The following ZNF605 variants were observed in gnomAD, a reference collection of about 807,000 sequenced individuals.
ZNF605 encodes the protein zinc finger protein 605.
In ZNF605, 9 loss-of-function variants were observed where a neutral mutation model predicts 7.9. The observed-to-expected ratio is 1.14, with a 90% CI of 0.68 to 1.98. The LOEUF (loss-of-function observed/expected upper bound fraction) is 1.98, where lower values mean the gene tolerates loss of function less well. Among genes scored for constraint, ZNF605 ranks in the 30% most tolerant of loss-of-function variants. The pLI is 0.00. For missense variants in ZNF605, 673 were observed against 762.4 expected, an observed-to-expected ratio of 0.88 and a Z score of 1.38; for synonymous variants, 255 against 260.1, an observed-to-expected ratio of 0.98 and a Z score of 0.19.
At chr12:132,936,852 A>T (rs1386781173) in intron 3 of ZNF605, among the ~76,000 whole-genome samples, 1 of 152,204 alleles carries the variant, frequency 6.6e-6, no homozygotes, top group Non-Finnish European at 1.5e-5. Flanking sequence ...TAAGAAAAAA[A>T]TTTGATAAAT....
chr12:132,942,089 A>G (rs930188779), intron 3 of ZNF605, among the ~76,000 whole-genome samples: 17 of 152,208 alleles, frequency 1.1e-4, no homozygotes, highest in Non-Finnish European at 1.5e-4. Context: ...CAACCTTTCC[A>G]GACAGCACGT....
intron 3 of ZNF605, among the ~76,000 whole-genome samples, chr12:132,936,186 A>G (rs2137138550): frequency 6.6e-6 from 1 of 152,114 alleles, no homozygotes; most frequent in East Asian, 1.9e-4. Context: ...TGAAAGTACG[A>G]AAAATAATCA....
intron 4 of ZNF605, chr12:132,932,834 A>G: frequency 6.7e-7 from 1 of 1,501,094 alleles, no homozygotes; most frequent in Non-Finnish European, 8.9e-7. Flanking sequence ...GAGGACTTGG[A>G]CCTAACTGCC....
intron 1 of ZNF605, among the ~76,000 whole-genome samples, chr12:132,955,214 T>C (rs1952624121): frequency 6.6e-5 from 10 of 152,250 alleles, no homozygotes; most frequent in Non-Finnish European, 1.5e-5. Flanking sequence ...AGGGTTTTTC[T>C]TTCACAGAGA....
chr12:132,948,892 A>G (rs907291917), intron 1 of ZNF605, among the ~76,000 whole-genome samples: 8 of 152,026 alleles, frequency 5.3e-5, no homozygotes, highest in Non-Finnish European at 8.8e-5. Context: ...TGCAGGGCCC[A>G]GGAGGCGGGG....
rs889632809 is a variant in ZNF605, at chr12:132,924,316, T to C, written c.*1057A>G. ...AGAATTCTACCTGATGCTCCATGTGTTTCCACTCTGTTTCCACTCTGGCTG... is the reference window on the plus strand; with the variant it reads ...AGAATTCTACCTGATGCTCCATGTGCTTCCACTCTGTTTCCACTCTGGCTG... On this transcript the variant is annotated 3_prime_UTR_variant, in exon 5 of 5. Coordinates refer to ENST00000360187, the MANE Select transcript of ZNF605 (RefSeq NM_183238.4). The C allele has an allele frequency of 2.6e-5, 4 of 152,222 alleles. No individual in the cohort carries two copies. Among genetic ancestry groups the C allele is most frequent in the Non-Finnish European group, 2.9e-5 (2 of 68,052 alleles). The allele number at this position is 152,222 out of a possible 1,614,324, so 9.4% of individuals were successfully genotyped here. A position where few individuals can be genotyped will look rare whatever the true frequency, so the allele number is the denominator to read the frequency against.
intron 3 of ZNF605, among the ~76,000 whole-genome samples, chr12:132,944,244 G>T (rs1005335061): frequency 1.3e-5 from 2 of 151,070 alleles, no homozygotes; most frequent in Non-Finnish European, 2.9e-5. Context: ...TTGAGACGGC[G>T]TCTTGCTCCG....
At chr12:132,956,036 C>T (rs1174924308) in intron 1 of ZNF605, among the ~76,000 whole-genome samples, 1 of 144,418 alleles carries the variant, frequency 6.9e-6, no homozygotes, top group African/African-American at 2.5e-5. Context: ...CCGCGCGCCC[C>T]CAGAGCCCCC....
intron 1 of ZNF605, among the ~76,000 whole-genome samples, chr12:132,952,843 A>C (rs899014901): frequency 9.9e-5 from 15 of 152,222 alleles, no homozygotes; most frequent in Admixed American, 9.2e-4. Context: ...AAGACCTGTC[A>C]CTCACGAGAG....
At chr12:132,934,818 A>G (rs1300438710) in intron 3 of ZNF605, among the ~76,000 whole-genome samples, 1 of 152,170 alleles carries the variant, frequency 6.6e-6, no homozygotes, top group Non-Finnish European at 1.5e-5. Flanking sequence ...ATAAGGTTAC[A>G]GGGCTATGAA....
In ZNF605 at chr12:132,945,807, C is replaced by T. The variant is rs1952489149; in HGVS notation, c.-162-10G>A. On this transcript the variant is annotated splice_polypyrimidine_tract_variant and intron_variant, in intron 2 of 4. Coordinates refer to ENST00000360187, the MANE Select transcript of ZNF605 (RefSeq NM_183238.4). ...TCCAGAGGGCTATTGCCTGTGGATG[C>T]AGTGGACATTTTATTTTAGATGATC... is the stretch of plus-strand genomic sequence containing the variant. 1 of 871,486 alleles carries T rather than the reference C, an allele frequency of 1.1e-6. No individual in the cohort carries two copies. Among genetic ancestry groups the T allele is most frequent in the Non-Finnish European group, 1.9e-6 (1 of 533,496 alleles). The allele number at this position is 871,486 out of a possible 1,614,324, so 54.0% of individuals were successfully genotyped here.
intron 1 of ZNF605, among the ~76,000 whole-genome samples, chr12:132,953,989 C>G (rs1409241886): frequency 6.6e-6 from 1 of 152,030 alleles, no homozygotes; most frequent in Non-Finnish European, 1.5e-5. Flanking sequence ...TCCTTCTCAC[C>G]TGGTTCCAAC....
At chr12:132,953,551 T>A (rs1264629731) in intron 1 of ZNF605, among the ~76,000 whole-genome samples, 2 of 152,068 alleles carry the variant, frequency 1.3e-5, no homozygotes, top group Non-Finnish European at 2.9e-5. Context: ...CTCAGCCTCC[T>A]GAGTAGGTGG....
rs572660881 is a variant in ZNF605 at position 132,920,741 on chromosome 12, G to C, written c.*4632C>G. On this transcript the variant is annotated 3_prime_UTR_variant, in exon 5 of 5. Coordinates refer to ENST00000360187, the MANE Select transcript of ZNF605 (RefSeq NM_183238.4). ...GCTGGAATGCAGTGGCCCCATCATG[G>C]CTCACTGCAGCCTTGAACTCCTGGG... The C allele has an allele frequency of 1.3e-5, 2 of 152,310 alleles. No individual in the cohort carries two copies. Among genetic ancestry groups the C allele is most frequent in the Non-Finnish European group, 1.5e-5 (1 of 68,044 alleles). 9.4% of individuals were successfully genotyped at this position (152,310 alleles called of 1,614,324 possible). A position where few individuals can be genotyped will look rare whatever the true frequency, so the allele number is the denominator to read the frequency against.
chr12:132,925,432 C>T lies in ZNF605; in HGVS notation c.1867G>A (p.Gly623Arg), dbSNP rs777112914. Residue 623 changes from glycine to arginine, a missense_variant, in exon 5 of 5, where the codon GGG (glycine) becomes AGG (arginine). Gly to Arg is a moderately radical substitution (Grantham distance 125). Coordinates refer to ENST00000360187, the MANE Select transcript of ZNF605 (RefSeq NM_183238.4). ...TGCGACTTCCTGTTGAAGGTGGTCC[C>T]ACACTCATTGCATCCATAGTATTTA... ...GDKYYGCNEC[G>R]TTFNRKSQLM... 4.3e-6 allele frequency: 7 copies of T among 1,613,470 alleles called. No individual in the cohort carries two copies. Among genetic ancestry groups the T allele is most frequent in the South Asian group, 1.1e-5 (1 of 91,052 alleles).
At position 132,922,760 on chromosome 12, in the gene ZNF605, G is replaced by A. The variant is rs896118437; in HGVS notation, c.*2613C>T. ...AGAGGGAATGGTGTCAACTGAAACC[G>A]AGAGATCTACAGCCATAGATGGGGC... On this transcript the variant is annotated 3_prime_UTR_variant, in exon 5 of 5. Transcript: ENST00000360187. 1.3e-5 allele frequency: 2 copies of A among 152,178 alleles called. No homozygotes were observed. The highest frequency in any genetic ancestry group is 4.8e-5 in the African/African-American group (2 of 41,432). The allele number at this position is 152,178 out of a possible 1,614,324, so 9.4% of individuals were successfully genotyped here.
At chr12:132,942,577 C>T (rs781752654) in intron 3 of ZNF605, among the ~76,000 whole-genome samples, 9 of 152,248 alleles carry the variant, frequency 5.9e-5, no homozygotes, top group Non-Finnish European at 1.3e-4. Context: ...TGGGAAGCCA[C>T]CTTGGATCCC....
intron 3 of ZNF605, among the ~76,000 whole-genome samples, chr12:132,937,648 T>C (rs1311527217): frequency 6.6e-6 from 1 of 152,206 alleles, no homozygotes; most frequent in Non-Finnish European, 1.5e-5. Context: ...CTTATAAAGT[T>C]GAACACAGAC....
rs902640537 is a variant in ZNF605, at chr12:132,941,463, C to T, written c.15+4158G>A. Among the ~76,000 whole-genome samples, 6 of 152,180 alleles carry T rather than the reference C, an allele frequency of 3.9e-5. No homozygotes were observed. The highest frequency in any genetic ancestry group is 1.9e-4 in the East Asian group (1 of 5,188). ...TGACTTGGGCCACACTATCCAGGCC[C>T]GACATGACCAGATCTGCTTCCCGTT... On this transcript the variant is annotated intron_variant, in intron 3 of 4. Coordinates refer to ENST00000360187, the MANE Select transcript of ZNF605 (RefSeq NM_183238.4). The surrounding 1 kb of genome is among the most constrained non-coding windows in gnomAD (Gnocchi z 5.1).
Sources: gnomAD v4.1 joint callset for allele counts (sites outside exome capture counted in the v4.1 genomes callset) on GRCh38, gnomAD v4.1.1 for gene constraint, Gnocchi (gnomAD v3.1) non-coding constraint, MANE v1.5 for transcripts, NCBI Gene and HGNC (gene_info 2026-07-23, HGNC 2026-07-21) for gene names.